Variants in OPCML observed in about 807,000 individuals in gnomAD.
The protein encoded by OPCML is opioid-binding protein/cell adhesion molecule.
A neutral mutation model predicts 37.8 loss-of-function variants in OPCML; 13 were observed. The observed-to-expected ratio is 0.34, with a 90% CI of 0.22 to 0.55. The LOEUF is 0.55. OPCML is among the 20% of genes least tolerant of loss of function. The probability of loss-of-function intolerance (pLI) is 0.91; values close to 1 mark genes in which losing one functional copy is unlikely to be tolerated. For missense variants in OPCML, 341 were observed against 435.6 expected (o/e 0.78, Z 1.93); for synonymous variants, 176 against 168.8 (o/e 1.04, Z -0.33).
At chr11:132,900,270 A>G (rs1033263619) in intron 2 of OPCML, among the ~76,000 whole-genome samples, 1 of 152,132 alleles carries the variant, frequency 6.6e-6, no homozygotes, top group Non-Finnish European at 1.5e-5. Context: ...CAATTAGGCC[A>G]GTCAAAAAAT....
At chr11:133,182,449 T>C (rs1937877293) in intron 1 of OPCML, among the ~76,000 whole-genome samples, 1 of 152,170 alleles carries the variant, frequency 6.6e-6, no homozygotes, top group South Asian at 2.1e-4. Context: ...CCTTGCCAGC[T>C]GCCTGCCAGT....
intron 3 of OPCML, among the ~76,000 whole-genome samples, chr11:132,632,212 G>A (rs1404411019): frequency 6.7e-6 from 1 of 148,520 alleles, no homozygotes; most frequent in Non-Finnish European, 1.5e-5. Flanking sequence ...AGGCCCCTGA[G>A]GGTGCCTCAG....
intron 4 of OPCML, among the ~76,000 whole-genome samples, chr11:132,461,642 T>C (rs547777097): frequency 6.6e-5 from 10 of 152,328 alleles, no homozygotes; most frequent in African/African-American, 2.2e-4. Flanking sequence ...TATAGCTGTG[T>C]TTTAGTCCAT....
chr11:133,272,323 G>T (rs1941866089), intron 1 of OPCML, among the ~76,000 whole-genome samples: 1 of 150,436 alleles, frequency 6.6e-6, no homozygotes, highest in Non-Finnish European at 1.5e-5. Flanking sequence ...AAATCTAACA[G>T]CCCAGAATAT....
chr11:132,995,994 T>G (rs1946877357), intron 1 of OPCML, among the ~76,000 whole-genome samples: 1 of 152,146 alleles, frequency 6.6e-6, no homozygotes, highest in African/African-American at 2.4e-5. Flanking sequence ...CTCTTTAGAG[T>G]CCATGGTGGA....
intron 2 of OPCML, among the ~76,000 whole-genome samples, chr11:132,748,202 C>T (rs1244857091): frequency 6.6e-6 from 1 of 152,072 alleles, no homozygotes; most frequent in Non-Finnish European, 1.5e-5. Context: ...TGTTAAGACA[C>T]TAAAACACGA....
At chr11:132,587,508 G>T (rs567408740) in intron 3 of OPCML, among the ~76,000 whole-genome samples, 57 of 152,292 alleles carry the variant, frequency 3.7e-4, no homozygotes, top group Non-Finnish European at 6.9e-4. Flanking sequence ...CTGCAAATGT[G>T]CCTCTCCCCC....
At position 132,530,741 on chromosome 11, in the gene OPCML, C is replaced by G. The variant is rs2096322749; in HGVS notation, c.380-1555G>C. On this transcript the variant is annotated intron_variant, in intron 3 of 7. Coordinates refer to ENST00000524381, the MANE Select transcript of OPCML (RefSeq NM_001012393.5). ...CCTGAGCTCTCTGGAGTCGAACCCC[C>G]AAACCCACTGACAAACCTCATCTCA... 2.0e-5 allele frequency among the ~76,000 whole-genome samples: 3 copies of G among 152,122 alleles called. No homozygotes were observed. The South Asian group carries it at 6.3e-4, about 32-fold the overall frequency.
chr11:133,409,688 A>G (rs139958135), intron 1 of OPCML, among the ~76,000 whole-genome samples: 1 of 152,278 alleles, frequency 6.6e-6, no homozygotes, highest in African/African-American at 2.4e-5. Context: ...ATGTCTCCAT[A>G]ACCTATTCAG....
intron 1 of OPCML, among the ~76,000 whole-genome samples, chr11:133,498,233 C>T (rs1227635334): frequency 6.6e-6 from 1 of 152,196 alleles, no homozygotes. Context: ...CCCAGGAGCA[C>T]CTCTCCTGGC....
intron 2 of OPCML, among the ~76,000 whole-genome samples, chr11:132,714,187 C>G (rs140023224): frequency 6.6e-6 from 1 of 152,206 alleles, no homozygotes; most frequent in African/African-American, 2.4e-5. Flanking sequence ...CTAGCTGGTA[C>G]TGTCACTGAA....
intron 1 of OPCML, among the ~76,000 whole-genome samples, chr11:133,296,086 T>C (rs1453483677): frequency 2.0e-5 from 3 of 152,140 alleles, no homozygotes; most frequent in African/African-American, 7.2e-5. Flanking sequence ...ATAAAGAACA[T>C]AACATAAACA....
At chr11:133,167,155 C>T (rs1057338118) in intron 1 of OPCML, among the ~76,000 whole-genome samples, 11 of 152,132 alleles carry the variant, frequency 7.2e-5, no homozygotes, top group African/African-American at 2.2e-4. Flanking sequence ...TGGTGGCCGG[C>T]GCTGGAAGGC....
At chr11:132,821,596 G>A (rs1187929378) in intron 2 of OPCML, among the ~76,000 whole-genome samples, 2 of 152,232 alleles carry the variant, frequency 1.3e-5, no homozygotes, top group Non-Finnish European at 2.9e-5. Flanking sequence ...CTACGAAGGA[G>A]AGACCTGTAA....
intron 2 of OPCML, among the ~76,000 whole-genome samples, chr11:132,754,487 A>T (rs1324446441): frequency 6.6e-5 from 10 of 152,164 alleles, no homozygotes. Flanking sequence ...CTTCCCAGCC[A>T]CATGGAACTG....
intron 1 of OPCML, among the ~76,000 whole-genome samples, chr11:132,991,777 G>C (rs919816763): frequency 2.0e-5 from 3 of 152,110 alleles, no homozygotes; most frequent in African/African-American, 7.2e-5. Context: ...CCACCCCAAG[G>C]TTGATTCCCG....
chr11:133,118,068 A>G, intron 1 of OPCML: 1 of 642,768 alleles, frequency 1.6e-6, no homozygotes, highest in Non-Finnish European at 1.9e-6. Flanking sequence ...CTTCAGAAAG[A>G]AACATGCCGC....
intron 1 of OPCML, among the ~76,000 whole-genome samples, chr11:133,502,532 G>A (rs1283448792): frequency 2.0e-5 from 3 of 152,232 alleles, no homozygotes; most frequent in Non-Finnish European, 4.4e-5. Context: ...TGAGTGGGAT[G>A]TGGCATGAAT....
At chr11:133,225,560 G>T (rs2136373708) in intron 1 of OPCML, among the ~76,000 whole-genome samples, 1 of 152,318 alleles carries the variant, frequency 6.6e-6, no homozygotes, top group East Asian at 1.9e-4. Flanking sequence ...TGTTCAGTAA[G>T]CGTAGCTGCC....
Sources: allele counts gnomAD v4.1 joint callset (sites outside exome capture counted in the v4.1 genomes callset), GRCh38; gene constraint gnomAD v4.1.1; transcripts MANE v1.5; gene names NCBI Gene and HGNC (gene_info 2026-07-23, HGNC 2026-07-21).